Variants in GRHL1 observed in about 807,000 individuals in gnomAD.
GRHL1 encodes the protein grainyhead-like protein 1 homolog.
In GRHL1, 38 loss-of-function variants were observed where a neutral mutation model predicts 75.7. The observed-to-expected ratio is 0.50, with a 90% CI of 0.39 to 0.66. GRHL1 has a LOEUF of 0.66. Ranked by LOEUF, GRHL1 falls within the 30% of genes least tolerant of loss-of-function variation. The pLI, the probability that GRHL1 is intolerant of heterozygous loss-of-function variation, is 0.00. For synonymous variants in GRHL1, 266 were observed against 279.4 expected, an observed-to-expected ratio of 0.95 and a Z score of 0.48; for missense variants, 589 against 767.5, an observed-to-expected ratio of 0.77 and a Z score of 2.75.
At chr2:9,955,216 A>G in intron 2 of GRHL1, 115 bp downstream of exon 2, 3 of 668,966 alleles carry the variant, frequency 4.5e-6, no homozygotes, top group South Asian at 3.9e-5. Flanking sequence ...TGTAGTGACT[A>G]TAAATAGTTT....
chr2:9,967,625 CT>C (rs34197846), intron 8 of GRHL1, among the ~76,000 whole-genome samples: 57,251 of 152,052 alleles, frequency 0.38, 12,135 homozygotes, highest in African/African-American at 0.57. Context: ...AGGCTGCTGT[CT>C]TTTTGAAGCT....
intron 12 of GRHL1, among the ~76,000 whole-genome samples, chr2:9,994,310 A>AATC (rs372607724): frequency 2.9e-5 from 4 of 139,184 alleles, no homozygotes; most frequent in Non-Finnish European, 3.1e-5. Flanking sequence ...ACACCCATCT[A>AATC]ATTATTATTA....
rs765423274 is a variant in GRHL1 at position 10,000,685 on chromosome 2, A to G, written c.1835A>G (p.Lys612Arg). Residue 612 changes from lysine (K) to arginine (R), a missense_variant, in exon 16 of 16, where the codon AAG becomes AGG. Physicochemically the swap from Lys to Arg is conservative, Grantham distance 26. Transcript: ENST00000324907. ...LQIEEAGGSYKLTLTEI is the reference protein window; with the variant it reads ...LQIEEAGGSYRLTLTEI ...ATTGAAGAAGCCGGGGGGTCTTACA[A>G]GCTCACCCTGACGGAGATCTAAAGG... 19 of 1,604,276 alleles carry G rather than the reference A, an allele frequency of 1.2e-5. No homozygotes were observed. The highest frequency in any genetic ancestry group is 6.7e-5 in the East Asian group (3 of 44,812).
At position 9,982,893 on chromosome 2, in the gene GRHL1, A is replaced by G. The variant is rs60506913; in HGVS notation, c.1111-3231A>G. ...GATATAGGATTCATCCTTTGTCAAT[A>G]TAAGTATATAATCATAGACGTCCAG... On this transcript the variant is annotated intron_variant, in intron 8 of 15. Transcript: ENST00000324907. Among the ~76,000 whole-genome samples the G allele has an allele frequency of 9.1e-3, 1,382 of 152,358 alleles. 27 individuals are homozygous for G. The highest frequency in any genetic ancestry group is 0.031 in the African/African-American group (1,297 of 41,580).
chr2:10,001,655 A>C lies in GRHL1; in HGVS notation c.*948A>C, dbSNP rs1294934150. 1 of 152,176 alleles carries C rather than the reference A, an allele frequency of 6.6e-6. No individual in the cohort carries two copies. The highest frequency in any genetic ancestry group is 2.4e-5 in the African/African-American group (1 of 41,394). 9.4% of individuals were successfully genotyped at this position (152,176 alleles called of 1,614,324 possible). Reference sequence around the variant, plus strand: ...GACAGAGATTCTGTTTGCTGTTGAGAATGTTGTTATTTGGATTTCTGCACT... The same window carrying C: ...GACAGAGATTCTGTTTGCTGTTGAGCATGTTGTTATTTGGATTTCTGCACT... On this transcript the variant is annotated 3_prime_UTR_variant, in exon 16 of 16. Transcript: ENST00000324907.
intron 12 of GRHL1, among the ~76,000 whole-genome samples, chr2:9,995,609 G>A (rs908380603): frequency 4.0e-5 from 6 of 150,620 alleles, no homozygotes; most frequent in Admixed American, 2.7e-4. Flanking sequence ...AAACCAAAGC[G>A]CCTCATCTTC....
rs1412442906 is a variant in GRHL1 at position 10,000,912 on chromosome 2, G to T, written c.*205G>T. On this transcript the variant is annotated 3_prime_UTR_variant, in exon 16 of 16. Transcript: ENST00000324907. ...GCATTGGTGTTTTTCAGATGAAAGAGAAATCCATATACCATTATGTTTGAA... is the reference window on the plus strand; with the variant it reads ...GCATTGGTGTTTTTCAGATGAAAGATAAATCCATATACCATTATGTTTGAA... 2.3e-6 allele frequency: 1 copy of T among 437,038 alleles called. No individual in the cohort carries two copies. Among genetic ancestry groups the T allele is most frequent in the Admixed American group, 4.1e-5 (1 of 24,262 alleles). 27.1% of individuals were successfully genotyped at this position (437,038 alleles called of 1,614,324 possible).
intron 8 of GRHL1, among the ~76,000 whole-genome samples, chr2:9,979,450 G>A (rs112024311): frequency 0.14 from 21,122 of 151,970 alleles, 1,816 homozygotes; most frequent in Non-Finnish European, 0.19. Flanking sequence ...TGTTGCCCAG[G>A]GTGGTCTCAA....
intron 13 of GRHL1, 66 bp from the exon 14 acceptor site, chr2:9,996,250 T>C: frequency 2.6e-6 from 3 of 1,152,368 alleles, no homozygotes; most frequent in Non-Finnish European, 3.9e-6. Flanking sequence ...CCTCTTTTGC[T>C]CATGTGAACT....
intron 2 of GRHL1, among the ~76,000 whole-genome samples, chr2:9,956,672 A>G (rs1020976315): frequency 3.9e-5 from 6 of 152,260 alleles, no homozygotes; most frequent in Admixed American, 1.3e-4. Flanking sequence ...AACTCTTACC[A>G]GGGAAACATA....
At chr2:9,997,737 C>T (rs1668932058) in intron 14 of GRHL1, among the ~76,000 whole-genome samples, 1 of 151,572 alleles carries the variant, frequency 6.6e-6, no homozygotes, top group African/African-American at 2.4e-5. Context: ...GCAGGAGAAT[C>T]ACTTGAACCA....
chr2:9,962,147 G>T (rs943506716), intron 4 of GRHL1, among the ~76,000 whole-genome samples: 5 of 152,132 alleles, frequency 3.3e-5, no homozygotes, highest in African/African-American at 4.8e-5. Context: ...AATTTTGGTT[G>T]CAGGTCCTAG....
At position 9,979,151 on chromosome 2, in the gene GRHL1, C is replaced by CAAAAAAAAAAAAAAAAA. The variant is rs1227015836; in HGVS notation, c.1111-6957_1111-6956insAAAAAAAAAAAAAAAAA. ...TTCCAGCCTGGGCAAGACTCTCTCT[C>CAAAAAAAAAAAAAAAAA]AAAAAAAAAAAAAAAAGGAAACCTT... On this transcript the variant is annotated intron_variant, in intron 8 of 15. Coordinates refer to ENST00000324907, the MANE Select transcript of GRHL1 (RefSeq NM_198182.3). 1.4e-3 allele frequency among the ~76,000 whole-genome samples: 85 copies of CAAAAAAAAAAAAAAAAA among 60,366 alleles called. 10 individuals carry two copies. Among genetic ancestry groups the CAAAAAAAAAAAAAAAAA allele is most frequent in the African/African-American group, 5.7e-3 (80 of 14,152 alleles). The allele number at this position is 60,366 out of a possible 152,430, so 39.6% of individuals were successfully genotyped here. A position where few individuals can be genotyped will look rare whatever the true frequency, so the allele number is the denominator to read the frequency against.
At chr2:9,985,727 A>G (rs185404778) in intron 8 of GRHL1, among the ~76,000 whole-genome samples, 3 of 152,306 alleles carry the variant, frequency 2.0e-5, no homozygotes, top group Non-Finnish European at 4.4e-5. Flanking sequence ...TGTCAACGCA[A>G]ATATAGGTGG....
intron 2 of GRHL1, among the ~76,000 whole-genome samples, chr2:9,957,053 TGTGGTG>T (rs1667060754): frequency 6.6e-6 from 1 of 151,542 alleles, no homozygotes; most frequent in African/African-American, 2.4e-5. Context: ...CACGCTGAAG[TGTGGTG>T]GTGCAGTCAT....
At chr2:9,961,814 A>T (rs566730606) in intron 4 of GRHL1, among the ~76,000 whole-genome samples, 1 of 152,102 alleles carries the variant, frequency 6.6e-6, no homozygotes, top group Non-Finnish European at 1.5e-5. Context: ...ATGAGTTATT[A>T]TATCTTTGCT....
In GRHL1 at chr2:9,964,309, C is replaced by G. The variant is rs1667397797; in HGVS notation, c.978C>G (p.Ser326=). ...DQLRHWKYWH[S]RQHTAKQRCI... ...TAAGGCATTGGAAGTACTGGCACTC[C>G]CGGCAGCACACCGCTAAACAAAGAT... is the stretch of plus-strand genomic sequence containing the variant. Residue 326 remains serine, a synonymous_variant, in exon 7 of 16, where the codon TCC becomes TCG. Transcript: ENST00000324907. The G allele has an allele frequency of 6.2e-7, 1 of 1,610,464 alleles. No individual in the cohort carries two copies.
chr2:9,961,216 C>T lies in GRHL1; in HGVS notation c.449C>T (p.Ala150Val). 6.2e-7 allele frequency: 1 copy of T among 1,614,074 alleles called. No individual in the cohort carries two copies. The highest frequency in any genetic ancestry group is 1.1e-5 in the South Asian group (1 of 91,084). The change falls in exon 4 of 16, where the codon GCA (alanine) becomes GTA (valine). Residue 150 changes from alanine (A) to valine (V), a missense_variant. Transcript: ENST00000324907. ...GATACGACAGTCACTGTCTCCATAG[C>T]AACGATGCCTACCCACTCCATCAAG... ...APDTTVTVSI[A>V]TMPTHSIKTE...
chr2:9,990,762 C>T lies in GRHL1; in HGVS notation c.1321+15C>T, dbSNP rs1190906812. On this transcript the variant is annotated intron_variant, in intron 10 of 15. Coordinates refer to ENST00000324907, the MANE Select transcript of GRHL1 (RefSeq NM_198182.3). The surrounding 1 kb of genome is among the most constrained non-coding windows in gnomAD (Gnocchi z 4.2). ...CAAAAGAAAAGGCAAGTGTCCTGACCCCAGCTCCCAGGTGAATGCCTGTAA... is the reference window on the plus strand; with the variant it reads ...CAAAAGAAAAGGCAAGTGTCCTGACTCCAGCTCCCAGGTGAATGCCTGTAA... The T allele has an allele frequency of 1.2e-6, 2 of 1,603,978 alleles. No individual in the cohort carries two copies. The highest frequency in any genetic ancestry group is 1.7e-6 in the Non-Finnish European group (2 of 1,173,160).
Sources: gnomAD v4.1 joint callset for allele counts (sites outside exome capture counted in the v4.1 genomes callset) on GRCh38, gnomAD v4.1.1 for gene constraint, Gnocchi (gnomAD v3.1) non-coding constraint, MANE v1.5 for transcripts, NCBI Gene and HGNC (gene_info 2026-07-23, HGNC 2026-07-21) for gene names.